NUDCD1: variants seen among roughly 807,000 people sequenced by gnomAD.
NUDCD1 encodes nudC domain-containing protein 1.
Under a neutral mutation model 67.8 loss-of-function variants are expected in NUDCD1, and 60 were observed. The observed-to-expected ratio is 0.88, with a 90% CI of 0.72 to 1.10. The LOEUF is 1.10. Among genes scored for constraint, NUDCD1 ranks in the 50% least tolerant of loss-of-function variants. The probability of loss-of-function intolerance (pLI) is 0.00; values close to 1 mark genes in which losing one functional copy is unlikely to be tolerated. For missense variants in NUDCD1, 643 were observed against 695.0 expected (o/e 0.93, Z 0.84); for synonymous variants, 244 against 230.8 (o/e 1.06, Z -0.52).
chr8:109,309,972 A>C (rs930013222), intron 2 of NUDCD1, among the ~76,000 whole-genome samples: 2 of 152,198 alleles, frequency 1.3e-5, no homozygotes, highest in Non-Finnish European at 2.9e-5. Flanking sequence ...TGCTGACAGA[A>C]ATCACAGATT....
intron 2 of NUDCD1, among the ~76,000 whole-genome samples, chr8:109,303,533 G>T (rs2926261): frequency 0.38 from 57,916 of 151,864 alleles, 11,549 homozygotes; most frequent in South Asian, 0.5. Flanking sequence ...TGCACTCCTT[G>T]TTAGTTATCC....
At chr8:109,287,104 C>T (rs1225482232) in intron 5 of NUDCD1, among the ~76,000 whole-genome samples, 2 of 152,034 alleles carry the variant, frequency 1.3e-5, no homozygotes, top group Non-Finnish European at 2.9e-5. Context: ...TCACACCAGT[C>T]AGAATGGCTA....
chr8:109,312,247 G>A (rs1250405417), intron 2 of NUDCD1, among the ~76,000 whole-genome samples: 1 of 144,818 alleles, frequency 6.9e-6, no homozygotes, highest in Non-Finnish European at 1.5e-5. Flanking sequence ...TTTGCAGTGA[G>A]CTGAAATCGC....
At chr8:109,329,299 T>C (rs1815751458) in intron 1 of NUDCD1, among the ~76,000 whole-genome samples, 1 of 152,062 alleles carries the variant, frequency 6.6e-6, no homozygotes, top group South Asian at 2.1e-4. Flanking sequence ...GGGGAAAAAG[T>C]TGGAAGAAAT....
intron 1 of NUDCD1, among the ~76,000 whole-genome samples, chr8:109,325,151 A>C (rs1188543297): frequency 1.3e-5 from 2 of 152,120 alleles, no homozygotes; most frequent in Admixed American, 6.5e-5. Flanking sequence ...AAAAAAGTGG[A>C]TTTCATGGAG....
At chr8:109,289,724 A>G (rs1364730967) in intron 5 of NUDCD1, 27 bp downstream of exon 5, 2 of 1,151,056 alleles carry the variant, frequency 1.7e-6, no homozygotes, top group Non-Finnish European at 2.5e-6. Context: ...GAAAATACCA[A>G]TAAGCTCTAT....
intron 1 of NUDCD1, 113 bp downstream of exon 1, chr8:109,333,780 C>A: frequency 8.5e-7 from 1 of 1,177,598 alleles, no homozygotes; most frequent in African/African-American, 1.5e-5. Context: ...CCACGCAAGC[C>A]GCCACGGTGG....
chr8:109,264,506 A>G (rs1177270943), intron 8 of NUDCD1, among the ~76,000 whole-genome samples: 3 of 152,216 alleles, frequency 2.0e-5, no homozygotes, highest in South Asian at 4.1e-4. Context: ...CTGAGAAGCA[A>G]TATTTCCAAG....
chr8:109,332,858 A>G (rs1815842657), intron 1 of NUDCD1, among the ~76,000 whole-genome samples: 2 of 152,198 alleles, frequency 1.3e-5, no homozygotes, highest in African/African-American at 2.4e-5. Context: ...TCAAAGCTCA[A>G]CTTAGATATT....
chr8:109,246,492 G>T (rs1293277738), intron 8 of NUDCD1, among the ~76,000 whole-genome samples: 2 of 152,122 alleles, frequency 1.3e-5, no homozygotes, highest in Non-Finnish European at 2.9e-5. Context: ...CTTAATTAAA[G>T]TATCAATGTC....
chr8:109,300,063 C>G (rs1001764521), intron 2 of NUDCD1, among the ~76,000 whole-genome samples: 2 of 152,170 alleles, frequency 1.3e-5, no homozygotes, highest in African/African-American at 4.8e-5. Context: ...GAGACTACTA[C>G]GTCAAGGGAA....
chr8:109,309,769 A>G (rs1815198881), intron 2 of NUDCD1, among the ~76,000 whole-genome samples: 1 of 152,184 alleles, frequency 6.6e-6, no homozygotes, highest in Non-Finnish European at 1.5e-5. Flanking sequence ...GTTTCCAGAT[A>G]CAAACTTAAT....
At chr8:109,250,231 C>T (rs1813592967) in intron 8 of NUDCD1, among the ~76,000 whole-genome samples, 1 of 151,994 alleles carries the variant, frequency 6.6e-6, no homozygotes, top group South Asian at 2.1e-4. Context: ...TTCTAGCTTC[C>T]CTATTTTTTA....
At chr8:109,321,374 T>C (rs1255818024) in intron 2 of NUDCD1, among the ~76,000 whole-genome samples, 1 of 152,132 alleles carries the variant, frequency 6.6e-6, no homozygotes, top group African/African-American at 2.4e-5. Flanking sequence ...GTTTTTAAAG[T>C]AAAATAATAT....
At chr8:109,286,352 T>A (rs1586279052) in intron 5 of NUDCD1, among the ~76,000 whole-genome samples, 1 of 152,084 alleles carries the variant, frequency 6.6e-6, no homozygotes, top group Admixed American at 6.6e-5. Flanking sequence ...GCCAAAGCCA[T>A]CCTAAGCAAA....
At chr8:109,257,003 A>G (rs1260437293) in intron 8 of NUDCD1, among the ~76,000 whole-genome samples, 2 of 152,140 alleles carry the variant, frequency 1.3e-5, no homozygotes, top group African/African-American at 2.4e-5. Context: ...CAAACTAGGT[A>G]AACATGACTT....
intron 6 of NUDCD1, among the ~76,000 whole-genome samples, chr8:109,276,090 G>T (rs1461870192): frequency 2.0e-5 from 3 of 152,182 alleles, no homozygotes; most frequent in African/African-American, 7.2e-5. Flanking sequence ...AGGGAAAAAA[G>T]ATGTTAATGT....
At chr8:109,285,345 T>G (rs1814550706) in intron 5 of NUDCD1, among the ~76,000 whole-genome samples, 2 of 152,014 alleles carry the variant, frequency 1.3e-5, no homozygotes, top group East Asian at 3.9e-4. Flanking sequence ...TACCAAAACC[T>G]GGCAAAGACA....
chr8:109,276,194 G>C (rs1027102877), intron 6 of NUDCD1, among the ~76,000 whole-genome samples: 1 of 152,198 alleles, frequency 6.6e-6, no homozygotes, highest in Non-Finnish European at 1.5e-5. Context: ...GGAACCCTGA[G>C]ATCAAGGACT....
Sources: gnomAD v4.1 joint callset for allele counts (sites outside exome capture counted in the v4.1 genomes callset) on GRCh38, gnomAD v4.1.1 for gene constraint, MANE v1.5 for transcripts, NCBI Gene and HGNC (gene_info 2026-07-23, HGNC 2026-07-21) for gene names.